Variants in ZNF804A observed in about 807,000 individuals in gnomAD.
ZNF804A encodes the protein zinc finger protein 804A.
Under a neutral mutation model 16.5 loss-of-function variants are expected in ZNF804A, and 2 were observed. That is an observed-to-expected ratio of 0.12 (90% CI 0.05 to 0.38). The LOEUF is 0.38. Ranked by LOEUF, ZNF804A falls within the 10% of genes least tolerant of loss-of-function variation. The probability of loss-of-function intolerance (pLI) is 0.99; values close to 1 mark genes in which losing one functional copy is unlikely to be tolerated. For missense variants in ZNF804A, 1,473 were observed against 1,390.7 expected, an observed-to-expected ratio of 1.06 and a Z score of -0.94; for synonymous variants, 534 against 489.6, an observed-to-expected ratio of 1.09 and a Z score of -1.20.
chr2:184,735,529 G>A (rs1446806742), intron 1 of ZNF804A, among the ~76,000 whole-genome samples: 1 of 152,122 alleles, frequency 6.6e-6, no homozygotes, highest in Non-Finnish European at 1.5e-5. Context: ...CACCATGCAT[G>A]TGTATACCTA....
chr2:184,672,141 T>C (rs1692347168), intron 1 of ZNF804A, among the ~76,000 whole-genome samples: 1 of 152,210 alleles, frequency 6.6e-6, no homozygotes, highest in Admixed American at 6.5e-5. Flanking sequence ...GACTCAGTGA[T>C]GGTACTAGAA....
chr2:184,653,959 G>A (rs1692033590), intron 1 of ZNF804A, among the ~76,000 whole-genome samples: 1 of 152,178 alleles, frequency 6.6e-6, no homozygotes, highest in African/African-American at 2.4e-5. Flanking sequence ...GTAACTGCCA[G>A]ACCATCAGGA....
At chr2:184,811,382 G>A (rs1694896474) in intron 1 of ZNF804A, among the ~76,000 whole-genome samples, 1 of 152,010 alleles carries the variant, frequency 6.6e-6, no homozygotes, top group Non-Finnish European at 1.5e-5. Context: ...ATCAAGAACC[G>A]ATGATAACCT....
chr2:184,915,948 T>C lies in ZNF804A; in HGVS notation c.256-17655T>C, dbSNP rs574351936. Among the ~76,000 whole-genome samples the C allele has an allele frequency of 2.0e-5, 3 of 152,292 alleles. No homozygotes were observed. In the East Asian group the frequency reaches 5.8e-4, roughly 29 times the overall value. ...ACTAGAACAAAATTACACATTAATGTGTGATACCATCCACTAGAATATCTT... is the reference window on the plus strand; with the variant it reads ...ACTAGAACAAAATTACACATTAATGCGTGATACCATCCACTAGAATATCTT... On this transcript the variant is annotated intron_variant, in intron 2 of 3. Transcript: ENST00000302277.
intron 1 of ZNF804A, among the ~76,000 whole-genome samples, chr2:184,809,007 T>G (rs958195382): frequency 6.6e-6 from 1 of 151,786 alleles, no homozygotes; most frequent in Non-Finnish European, 1.5e-5. Context: ...AAATCCAGTC[T>G]CAATGCAATC....
At chr2:184,606,527 C>T (rs1439539954) in intron 1 of ZNF804A, among the ~76,000 whole-genome samples, 1 of 152,054 alleles carries the variant, frequency 6.6e-6, no homozygotes, top group Non-Finnish European at 1.5e-5. Context: ...TATCACGTAG[C>T]CAGTTATTTA....
chr2:184,755,753 A>G (rs950514148), intron 1 of ZNF804A, among the ~76,000 whole-genome samples: 1 of 151,996 alleles, frequency 6.6e-6, no homozygotes, highest in African/African-American at 2.4e-5. Context: ...CATTTGTAAA[A>G]GATGTGTGCT....
intron 1 of ZNF804A, among the ~76,000 whole-genome samples, chr2:184,643,585 A>G (rs927736548): frequency 5.3e-5 from 8 of 151,910 alleles, no homozygotes; most frequent in African/African-American, 2.4e-5. Flanking sequence ...GGCTTTTCCC[A>G]TAGTTAAGAA....
intron 1 of ZNF804A, among the ~76,000 whole-genome samples, chr2:184,623,020 T>C (rs1235484996): frequency 1.3e-5 from 2 of 152,188 alleles, no homozygotes; most frequent in Non-Finnish European, 1.5e-5. Context: ...AGGCATTCCC[T>C]TTATTTGCTG....
intron 1 of ZNF804A, among the ~76,000 whole-genome samples, chr2:184,865,331 G>T (rs1695863884): frequency 6.6e-6 from 1 of 151,868 alleles, no homozygotes; most frequent in Admixed American, 6.6e-5. Context: ...TTCAGTGAAA[G>T]AATTGGACAG....
chr2:184,659,333 C>G lies in ZNF804A; in HGVS notation c.111+60263C>G, dbSNP rs548543171. 5.3e-5 allele frequency among the ~76,000 whole-genome samples: 8 copies of G among 152,102 alleles called. No individual in the cohort carries two copies. In the South Asian group the frequency reaches 1.7e-3, roughly 32 times the overall value. On this transcript the variant is annotated intron_variant, in intron 1 of 3. Transcript: ENST00000302277. Reference sequence around the variant, plus strand: ...ACTATTCATTTGTATGTTTAATTTCCCAGTCCTCCTCTCAGTAATAGTAAT... The same window carrying G: ...ACTATTCATTTGTATGTTTAATTTCGCAGTCCTCCTCTCAGTAATAGTAAT...
chr2:184,692,708 A>G (rs1237598598), intron 1 of ZNF804A, among the ~76,000 whole-genome samples: 3 of 152,180 alleles, frequency 2.0e-5, no homozygotes, highest in Admixed American at 2.0e-4. Flanking sequence ...TTATTCATTG[A>G]AGGATCCATT....
rs768195252 is a variant in ZNF804A at position 184,936,477 on chromosome 2, A to G, written c.1081A>G (p.Thr361Ala). ...NSFELLGNKS[T>A]VLDMSNDCIS... ...TTTTGAGTTGTTAGGAAATAAATCC[A>G]CAGTTCTTGACATGTCTAATGATTG... The change falls in exon 4 of 4, where the codon ACA becomes GCA. Residue 361 changes from threonine to alanine, a missense_variant. Coordinates refer to ENST00000302277, the MANE Select transcript of ZNF804A (RefSeq NM_194250.2). 1.5e-5 allele frequency: 24 copies of G among 1,613,784 alleles called. No individual in the cohort carries two copies. In the East Asian group the frequency reaches 5.4e-4, roughly 36 times the overall value.
At chr2:184,809,333 G>A (rs980965981) in intron 1 of ZNF804A, among the ~76,000 whole-genome samples, 2 of 151,734 alleles carry the variant, frequency 1.3e-5, no homozygotes, top group African/African-American at 4.8e-5. Flanking sequence ...GAATGAGTAG[G>A]AGAAAGTGAA....
chr2:184,926,451 G>A (rs147331033), intron 2 of ZNF804A, among the ~76,000 whole-genome samples: 1 of 151,758 alleles, frequency 6.6e-6, no homozygotes, highest in Non-Finnish European at 1.5e-5. Flanking sequence ...TTGATCTTTG[G>A]GAGTTTGATT....
chr2:184,652,056 T>A (rs1691992537), intron 1 of ZNF804A, among the ~76,000 whole-genome samples: 1 of 152,104 alleles, frequency 6.6e-6, no homozygotes, highest in Admixed American at 6.6e-5. Flanking sequence ...TCAGTGGTGG[T>A]CTGTATAAAG....
rs372949453 is a variant in ZNF804A at position 184,677,423 on chromosome 2, G to A, written c.111+78353G>A. On this transcript the variant is annotated intron_variant, in intron 1 of 3. Transcript: ENST00000302277. Reference sequence around the variant, plus strand: ...GCTCAATTCTTGGGAAGAGAAATGAGATTACCATGAGTGGTGTAGACAGTA... The same window carrying A: ...GCTCAATTCTTGGGAAGAGAAATGAAATTACCATGAGTGGTGTAGACAGTA... 8.3e-4 allele frequency among the ~76,000 whole-genome samples: 126 copies of A among 152,030 alleles called. 1 individual carries two copies. In the South Asian group the frequency reaches 0.026, roughly 31 times the overall value.
At chr2:184,890,985 G>T (rs559484865) in intron 2 of ZNF804A, among the ~76,000 whole-genome samples, 8 of 152,038 alleles carry the variant, frequency 5.3e-5, no homozygotes, top group Non-Finnish European at 1.2e-4. Flanking sequence ...AATCAAGGAG[G>T]TTTTACACCA....
chr2:184,923,922 C>A (rs1432795679), intron 2 of ZNF804A, among the ~76,000 whole-genome samples: 1 of 151,610 alleles, frequency 6.6e-6, no homozygotes, highest in Admixed American at 6.6e-5. Flanking sequence ...GATGAATAAC[C>A]ATTTTAATGT....
Sources: gnomAD v4.1 joint callset for allele counts (sites outside exome capture counted in the v4.1 genomes callset) on GRCh38, gnomAD v4.1.1 for gene constraint, MANE v1.5 for transcripts, NCBI Gene and HGNC (gene_info 2026-07-23, HGNC 2026-07-21) for gene names.